Variants in OR56A1 observed in about 807,000 individuals in gnomAD.
The protein encoded by OR56A1 is olfactory receptor family 56 subfamily A member 1, also known as olfactory receptor 56A1.
For missense variants in OR56A1, 360 were observed against 380.9 expected, an observed-to-expected ratio of 0.94 and a Z score of 0.46; for synonymous variants, 174 against 159.1, an observed-to-expected ratio of 1.09 and a Z score of -0.70.
rs1405543412 is a variant in OR56A1, at chr11:6,026,607, T to C, written c.*141A>G. On this transcript the variant is annotated 3_prime_UTR_variant, in exon 2 of 2. Coordinates refer to ENST00000641900, the MANE Select transcript of OR56A1 (RefSeq NM_001388488.1). ...CTCCACCTGAACTAGGCAAGGAAAG[T>C]AAAGGAAGGAATCTGGTTCAGTAAT... 3.3e-6 allele frequency: 2 copies of C among 598,478 alleles called. No homozygotes were observed. Among genetic ancestry groups the C allele is most frequent in the Non-Finnish European group, 5.8e-6 (2 of 342,866 alleles). The allele number at this position is 598,478 out of a possible 1,614,324, so 37.1% of individuals were successfully genotyped here. A position where few individuals can be genotyped will look rare whatever the true frequency, so the allele number is the denominator to read the frequency against.
chr11:6,027,420 A>G lies in OR56A1; in HGVS notation c.273T>C (p.Asp91=), dbSNP rs770864262. The G allele has an allele frequency of 6.2e-7, 1 of 1,614,166 alleles. No individual in the cohort carries two copies. Among genetic ancestry groups the G allele is most frequent in the Non-Finnish European group, 8.5e-7 (1 of 1,180,020 alleles). ...AGGCAGGGAAGCTGATCGACCTAAGATCATACCAGAAGATGGCCAGGACCT... is the reference window on the plus strand; with the variant it reads ...AGGCAGGGAAGCTGATCGACCTAAGGTCATACCAGAAGATGGCCAGGACCT... The part of the protein sequence containing the change: ...IPKVLAIFWY[D]LRSISFPACF... Residue 91 remains aspartate (D), a synonymous_variant, in exon 2 of 2, where the codon GAT becomes GAC. Coordinates refer to ENST00000641900, the MANE Select transcript of OR56A1 (RefSeq NM_001388488.1).
chr11:6,028,174 T>C (rs1165198447), intron 1 of OR56A1, among the ~76,000 whole-genome samples: 1 of 152,072 alleles, frequency 6.6e-6, no homozygotes, highest in Non-Finnish European at 1.5e-5. Context: ...ACTCATGGTA[T>C]ACTAGAAGAA....
In OR56A1 at chr11:6,027,733, T is replaced by C; in HGVS notation, c.-34-7A>G. 6.9e-7 allele frequency: 1 copy of C among 1,440,516 alleles called. No homozygotes were observed. The highest frequency in any genetic ancestry group is 1.4e-5 in the South Asian group (1 of 73,862). 89.2% of individuals were successfully genotyped at this position (1,440,516 alleles called of 1,614,324 possible). ...CTGAGTAGGCTTCTGATGACTATGT[T>C]TATGGGCAGATACAAGAGGTTATTT... On this transcript the variant is annotated splice_polypyrimidine_tract_variant and splice_region_variant and intron_variant, in intron 1 of 1. Coordinates refer to ENST00000641900, the MANE Select transcript of OR56A1 (RefSeq NM_001388488.1).
rs573468039 is a variant in OR56A1, at chr11:6,020,998, A to C, written c.*5750T>G. 2.6e-5 allele frequency: 4 copies of C among 152,210 alleles called. No individual in the cohort carries two copies. The South Asian group carries it at 8.3e-4, about 32-fold the overall frequency. The allele number at this position is 152,210 out of a possible 1,614,324, so 9.4% of individuals were successfully genotyped here. ...CTCACAGAAATCCAGCCTGAGAAAA[A>C]GTTAGATGATGTGTATAGCAGTCCT... On this transcript the variant is annotated 3_prime_UTR_variant, in exon 2 of 2. Transcript: ENST00000641900.
upstream of OR56A1, among the ~76,000 whole-genome samples, chr11:6,033,367 T>C (rs1332694327): frequency 6.6e-6 from 1 of 151,176 alleles, no homozygotes; most frequent in African/African-American, 2.4e-5. Context: ...TAAAAACTAA[T>C]TTATTGTTTC....
At chr11:6,028,759 C>T (rs533791445) in intron 1 of OR56A1, among the ~76,000 whole-genome samples, 2 of 152,156 alleles carry the variant, frequency 1.3e-5, no homozygotes, top group East Asian at 3.9e-4. Context: ...TAGAACTACC[C>T]TTACATCCAA....
chr11:6,032,570 G>A (rs990438958), upstream of OR56A1, among the ~76,000 whole-genome samples: 4 of 152,176 alleles, frequency 2.6e-5, no homozygotes, highest in Non-Finnish European at 5.9e-5. Flanking sequence ...GAGGAAGAAT[G>A]AGAAAGGAGA....
At chr11:6,034,087 T>C (rs1848536858), upstream of OR56A1, among the ~76,000 whole-genome samples, 1 of 152,144 alleles carries the variant, frequency 6.6e-6, no homozygotes, top group Admixed American at 6.5e-5. Context: ...AACCCTCTTA[T>C]CTGAAGGCAG....
chr11:6,032,379 T>C (rs4397826), upstream of OR56A1, among the ~76,000 whole-genome samples: 87,074 of 151,428 alleles, frequency 0.58, 25,573 homozygotes, highest in East Asian at 0.95. Context: ...AACCTTAGCA[T>C]GTTGTTTTTG....
chr11:6,023,382 C>T lies in OR56A1; in HGVS notation c.*3366G>A, dbSNP rs1848416431. The T allele has an allele frequency of 6.6e-6, 1 of 152,184 alleles. No individual in the cohort carries two copies. Among genetic ancestry groups the T allele is most frequent in the Admixed American group, 6.5e-5 (1 of 15,272 alleles). The allele number at this position is 152,184 out of a possible 1,614,324, so 9.4% of individuals were successfully genotyped here. ...GGAAAGTGTAGTATTGTTCCCTCAA[C>T]AATACTTAGGTGTTTGTTTTGAGCT... On this transcript the variant is annotated 3_prime_UTR_variant, in exon 2 of 2. Transcript: ENST00000641900.
At chr11:6,030,643 C>A (rs1442909358) in intron 1 of OR56A1, 59 bp downstream of exon 1, 1 of 152,172 alleles carries the variant, frequency 6.6e-6, no homozygotes, top group Admixed American at 6.5e-5. Context: ...GTTACATGAG[C>A]TTTCTGATCC....
chr11:6,033,699 A>G (rs1848533280), upstream of OR56A1, among the ~76,000 whole-genome samples: 1 of 152,060 alleles, frequency 6.6e-6, no homozygotes, highest in South Asian at 2.1e-4. Flanking sequence ...CAAGAATATC[A>G]ATGATAACAT....
rs7937144 is a variant in OR56A1, at chr11:6,026,305, C to G, written c.*443G>C. The G allele has an allele frequency of 0.33, 51,635 of 154,864 alleles. 9,816 individuals carry two copies. The highest frequency in any genetic ancestry group is 0.92 in the East Asian group (4,816 of 5,242). The allele number at this position is 154,864 out of a possible 1,614,324, so 9.6% of individuals were successfully genotyped here. A position where few individuals can be genotyped will look rare whatever the true frequency, so the allele number is the denominator to read the frequency against. The stretch of plus-strand genomic sequence containing the variant: ...AAATACCTGTCGACATCCAGAAAGA[C>G]AAAATACAGGTCAAAGGAAAGCAAA... On this transcript the variant is annotated 3_prime_UTR_variant, in exon 2 of 2. Coordinates refer to ENST00000641900, the MANE Select transcript of OR56A1 (RefSeq NM_001388488.1).
At chr11:6,030,798 T>C (rs780349044), upstream of OR56A1, 2 of 152,208 alleles carry the variant, frequency 1.3e-5, no homozygotes, top group Admixed American at 6.5e-5. Flanking sequence ...CTATTTTATG[T>C]TTCTGTAGTA....
Position 6,026,649 on chromosome 11 carries a change from C to G in OR56A1, c.*99G>C. 1.4e-6 allele frequency: 1 copy of G among 736,864 alleles called. No individual in the cohort carries two copies. The highest frequency in any genetic ancestry group is 2.3e-6 in the Non-Finnish European group (1 of 434,034). 45.6% of individuals were successfully genotyped at this position (736,864 alleles called of 1,614,324 possible). Reference sequence around the variant, plus strand: ...TTCAGTAATGAAGGGAGCCTCAGTGCATGCAATAAACACTCACTAACTGAC... The same window carrying G: ...TTCAGTAATGAAGGGAGCCTCAGTGGATGCAATAAACACTCACTAACTGAC... On this transcript the variant is annotated 3_prime_UTR_variant, in exon 2 of 2. Transcript: ENST00000641900.
At chr11:6,033,255 G>T (rs1848529408), upstream of OR56A1, among the ~76,000 whole-genome samples, 1 of 151,882 alleles carries the variant, frequency 6.6e-6, no homozygotes, top group African/African-American at 2.4e-5. Context: ...GGACGAGTGA[G>T]AAAGTCTGGA....
Position 6,026,580 on chromosome 11 carries a change from A to G in OR56A1, c.*168T>C, listed in dbSNP as rs1013574062. The G allele has an allele frequency of 3.6e-6, 2 of 550,800 alleles. No individual in the cohort carries two copies. The highest frequency in any genetic ancestry group is 1.9e-5 in the African/African-American group (1 of 53,132). 34.1% of individuals were successfully genotyped at this position (550,800 alleles called of 1,614,324 possible). A position where few individuals can be genotyped will look rare whatever the true frequency, so the allele number is the denominator to read the frequency against. The stretch of plus-strand genomic sequence containing the variant: ...AAATACGAGTTTCTTCCCCTTGCCT[A>G]CCTCCACCTGAACTAGGCAAGGAAA... On this transcript the variant is annotated 3_prime_UTR_variant, in exon 2 of 2. Transcript: ENST00000641900.
In OR56A1 at chr11:6,027,645, G is replaced by T. The variant is rs1848469714; in HGVS notation, c.48C>A (p.Leu16=). The change falls in exon 2 of 2, where the codon CTC becomes CTA. Residue 16 remains leucine, a synonymous_variant. Transcript: ENST00000641900. ...NSSTVPVSEF[L]LICFPNFQSW... is the part of the protein sequence containing the mutation. ...TCTGGAAGTTGGGGAAGCAGATGAGGAGGAATTCAGAGACTGGGACAGTGG... is the reference window on the plus strand; with the variant it reads ...TCTGGAAGTTGGGGAAGCAGATGAGTAGGAATTCAGAGACTGGGACAGTGG... The T allele has an allele frequency of 5.0e-6, 8 of 1,609,256 alleles. No homozygotes were observed. The highest frequency in any genetic ancestry group is 6.8e-6 in the Non-Finnish European group (8 of 1,177,742).
In OR56A1 at chr11:6,026,956, G is replaced by A; in HGVS notation, c.737C>T (p.Ser246Phe). Reference sequence around the variant, plus strand: ...GAAGAAAAGAATGAGGATGAAGTGGGAGCCACATGTGCTCAGGGCCTTCAC... The same window carrying A: ...GAAGAAAAGAATGAGGATGAAGTGGAAGCCACATGTGCTCAGGGCCTTCAC... ...AAVKALSTCGSHFILILFFST... is the reference protein window; with the variant it reads ...AAVKALSTCGFHFILILFFST... The change falls in exon 2 of 2, where the codon TCC (serine) becomes TTC (phenylalanine). Residue 246 changes from serine (S) to phenylalanine (F), a missense_variant. By Grantham distance (155) the Ser-to-Phe change is radical. Coordinates refer to ENST00000641900, the MANE Select transcript of OR56A1 (RefSeq NM_001388488.1). The A allele has an allele frequency of 6.2e-7, 1 of 1,614,148 alleles. No homozygotes were observed. Among genetic ancestry groups the A allele is most frequent in the Non-Finnish European group, 8.5e-7 (1 of 1,180,010 alleles).
Sources: gnomAD v4.1 joint callset for allele counts (sites outside exome capture counted in the v4.1 genomes callset) on GRCh38, gnomAD v4.1.1 for gene constraint, MANE v1.5 for transcripts, NCBI Gene and HGNC (gene_info 2026-07-23, HGNC 2026-07-21) for gene names.